The following ZNF536 variants were observed in gnomAD, a reference collection of about 807,000 sequenced individuals.
ZNF536 encodes the protein zinc finger protein 536.
A neutral mutation model predicts 84.5 loss-of-function variants in ZNF536; 13 were observed. The observed-to-expected ratio is 0.15, with a 90% CI of 0.10 to 0.24. The LOEUF (loss-of-function observed/expected upper bound fraction) is 0.24. ZNF536 is among the 10% of genes least tolerant of loss of function. The probability of loss-of-function intolerance (pLI) is 1.00; values close to 1 mark genes in which losing one functional copy is unlikely to be tolerated. For synonymous variants in ZNF536, 811 were observed against 742.5 expected, an observed-to-expected ratio of 1.09 and a Z score of -1.50; for missense variants, 1,536 against 1,747.5, an observed-to-expected ratio of 0.88 and a Z score of 2.16.
chr19:30,333,166 T>TAAGC lies in ZNF536; in HGVS notation c.-119-19199_-119-19198insCAAG, dbSNP rs67089221. The stretch of plus-strand genomic sequence containing the variant: ...ACCCTGTCTTCAACAAATAAATTAA[T>TAAGC]AAGTAAGTAAGTAAATAAATAAATA... On this transcript the variant is annotated intron_variant, in intron 2 of 5. Coordinates refer to the ZNF536 transcript ENST00000585628. 1.1e-4 allele frequency among the ~76,000 whole-genome samples: 8 copies of TAAGC among 72,322 alleles called. No homozygotes were observed. The East Asian group carries it at 4.4e-3, about 39-fold the overall frequency. 47.4% of individuals were successfully genotyped at this position (72,322 alleles called of 152,430 possible).
intron 1 of ZNF536, among the ~76,000 whole-genome samples, chr19:30,642,165 C>A (rs1015889309): frequency 6.6e-6 from 1 of 152,154 alleles, no homozygotes. Context: ...ATGTAAGGAA[C>A]CCCGTGGTGA....
chr19:30,596,098 C>T (rs1376502809), intron 1 of ZNF536, among the ~76,000 whole-genome samples: 1 of 152,186 alleles, frequency 6.6e-6, no homozygotes, highest in Non-Finnish European at 1.5e-5. Context: ...GTCTGCGGGA[C>T]ATACTGTTCT....
intron 2 of ZNF536, among the ~76,000 whole-genome samples, chr19:30,313,501 T>G (rs1035329246): frequency 3.9e-5 from 6 of 151,968 alleles, no homozygotes; most frequent in Non-Finnish European, 4.4e-5. Context: ...CACTCCGCAC[T>G]CTCCACAGGG....
chr19:30,712,057 A>C (rs931907640), exon 2 of ZNF536: 1 of 34,872 alleles, frequency 2.9e-5, no homozygotes, highest in Non-Finnish European at 4.4e-5. Context: ...CTTGTATTAA[A>C]ATATGATCTA....
At chr19:30,259,507 G>A (rs1222183153) in intron 1 of ZNF536, among the ~76,000 whole-genome samples, 2 of 152,212 alleles carry the variant, frequency 1.3e-5, no homozygotes, top group Non-Finnish European at 2.9e-5. Flanking sequence ...AGGCCCAGCA[G>A]TCCATGTTTT....
intron 1 of ZNF536, among the ~76,000 whole-genome samples, chr19:30,397,025 C>T (rs1307142303): frequency 2.0e-5 from 3 of 152,210 alleles, no homozygotes; most frequent in Non-Finnish European, 4.4e-5. Flanking sequence ...GTTGGCCCTT[C>T]CACATCCTAT....
chr19:30,605,098 G>A (rs1888838691), intron 1 of ZNF536, among the ~76,000 whole-genome samples: 1 of 152,208 alleles, frequency 6.6e-6, no homozygotes, highest in South Asian at 2.1e-4. Context: ...AGTCTCCGCT[G>A]GAGGAACTCA....
intron 2 of ZNF536, among the ~76,000 whole-genome samples, chr19:30,312,909 T>C (rs1283980663): frequency 6.6e-6 from 1 of 152,212 alleles, no homozygotes; most frequent in Non-Finnish European, 1.5e-5. Context: ...GCAAAATGGG[T>C]ACAGTAGCAT....
chr19:30,332,420 C>G (rs1238220355), intron 2 of ZNF536, among the ~76,000 whole-genome samples: 3 of 152,114 alleles, frequency 2.0e-5, no homozygotes, highest in African/African-American at 7.2e-5. Context: ...TGCACCCAGG[C>G]ACCCTCAGTG....
chr19:30,596,329 C>G (rs185864814), intron 1 of ZNF536, among the ~76,000 whole-genome samples: 75 of 152,288 alleles, frequency 4.9e-4, no homozygotes, highest in African/African-American at 1.8e-3. Flanking sequence ...AAGAACGTCT[C>G]TGGCTGCTTA....
intron 1 of ZNF536, among the ~76,000 whole-genome samples, chr19:30,664,022 G>A (rs1442181970): frequency 6.6e-6 from 1 of 152,164 alleles, no homozygotes; most frequent in Non-Finnish European, 1.5e-5. Flanking sequence ...TGATAAAACT[G>A]CTTTGAAAGC....
At chr19:30,484,062 C>T (rs1388672916) in intron 2 of ZNF536, among the ~76,000 whole-genome samples, 2 of 152,018 alleles carry the variant, frequency 1.3e-5, no homozygotes, top group African/African-American at 4.8e-5. Flanking sequence ...TTAAACCCAG[C>T]CCATCCCCGC....
intron 1 of ZNF536, among the ~76,000 whole-genome samples, chr19:30,593,418 C>A (rs978544416): frequency 6.6e-6 from 1 of 152,104 alleles, no homozygotes; most frequent in Non-Finnish European, 1.5e-5. Context: ...GTTCTCCAAA[C>A]CTTCTGGCTA....
intron 2 of ZNF536, among the ~76,000 whole-genome samples, chr19:30,453,703 G>A (rs1200594053): frequency 1.3e-5 from 2 of 152,212 alleles, no homozygotes; most frequent in Admixed American, 6.5e-5. Context: ...AAAACAATGC[G>A]TGTCTGAACA....
At chr19:30,467,393 T>G (rs1174486517) in intron 2 of ZNF536, among the ~76,000 whole-genome samples, 1 of 152,228 alleles carries the variant, frequency 6.6e-6, no homozygotes, top group Non-Finnish European at 1.5e-5. Flanking sequence ...TCTGGCTTAT[T>G]TTGCTTAGCA....
chr19:30,330,192 C>T (rs373281601), intron 2 of ZNF536, among the ~76,000 whole-genome samples: 25 of 152,236 alleles, frequency 1.6e-4, no homozygotes, highest in East Asian at 1.5e-3. Context: ...AGCTGGGAGG[C>T]GCCAGGTGCC....
chr19:30,248,605 T>C (rs2024430569), intron 1 of ZNF536, among the ~76,000 whole-genome samples: 1 of 152,158 alleles, frequency 6.6e-6, no homozygotes, highest in Admixed American at 6.5e-5. Context: ...ATAGCTGCAG[T>C]GAGCATGTGT....
upstream of ZNF536, among the ~76,000 whole-genome samples, chr19:30,367,407 A>G (rs1279553077): frequency 6.6e-6 from 1 of 152,230 alleles, no homozygotes; most frequent in Non-Finnish European, 1.5e-5. Flanking sequence ...CCAAAGCCAT[A>G]TTTATTGATG....
At chr19:30,255,341 G>T (rs2024855652) in intron 1 of ZNF536, among the ~76,000 whole-genome samples, 1 of 152,166 alleles carries the variant, frequency 6.6e-6, no homozygotes, top group South Asian at 2.1e-4. Context: ...CGGGGAGATA[G>T]TTGCAGCTGA....
Sources: gnomAD v4.1 joint callset for allele counts (sites outside exome capture counted in the v4.1 genomes callset) on GRCh38, gnomAD v4.1.1 for gene constraint, MANE v1.5 for transcripts, NCBI Gene and HGNC (gene_info 2026-07-23, HGNC 2026-07-21) for gene names.